SIN3A: variants seen among roughly 807,000 people sequenced by gnomAD.
SIN3A encodes the protein SIN3 transcription regulator family member A.
SIN3A carries 14 observed loss-of-function variants against 146.1 expected under a neutral mutation model. The observed-to-expected ratio is 0.10, with a 90% confidence interval of 0.06 to 0.15. The LOEUF (loss-of-function observed/expected upper bound fraction) is 0.15, where lower values mean the gene tolerates loss of function less well. Among genes scored for constraint, SIN3A ranks in the 10% least tolerant of loss-of-function variants. The probability of loss-of-function intolerance (pLI) is 1.00; values close to 1 mark genes in which losing one functional copy is unlikely to be tolerated. For missense variants in SIN3A, 1,028 were observed against 1,576.0 expected (o/e 0.65, Z 5.89); for synonymous variants, 572 against 572.0 (o/e 1.00, Z 0.00).
At chr15:75,423,247 T>C (rs1174527030) in intron 2 of SIN3A, among the ~76,000 whole-genome samples, 1 of 151,784 alleles carries the variant, frequency 6.6e-6, no homozygotes, top group Non-Finnish European at 1.5e-5. Flanking sequence ...CACTGCTCTC[T>C]AGCCCAGGTG....
chr15:75,386,247 C>G (rs1232167195), intron 16 of SIN3A, among the ~76,000 whole-genome samples: 2 of 152,210 alleles, frequency 1.3e-5, no homozygotes, highest in East Asian at 3.9e-4. Context: ...AGTCTGATCT[C>G]AAACTTCTGA....
At chr15:75,403,058 T>A (rs574344748) in intron 9 of SIN3A, among the ~76,000 whole-genome samples, 1 of 152,200 alleles carries the variant, frequency 6.6e-6, no homozygotes, top group Non-Finnish European at 1.5e-5. Context: ...AGTAACTGGC[T>A]AGAATTGGGA....
intron 3 of SIN3A, among the ~76,000 whole-genome samples, chr15:75,416,205 T>G (rs931960509): frequency 6.6e-6 from 1 of 152,230 alleles, no homozygotes; most frequent in Non-Finnish European, 1.5e-5. Context: ...GTTGTTTTGG[T>G]GGGAAGGATC....
At chr15:75,413,112 T>C in intron 4 of SIN3A, 67 bp from the exon 5 acceptor site, 1 of 1,490,550 alleles carries the variant, frequency 6.7e-7, no homozygotes, top group Non-Finnish European at 9.0e-7. Flanking sequence ...AGAAAAAATT[T>C]CATGTTTTTT....
chr15:75,443,524 T>TA (rs1408733874), intron 1 of SIN3A: 1 of 152,116 alleles, frequency 6.6e-6, no homozygotes, highest in Non-Finnish European at 1.5e-5. Flanking sequence ...GAGACTAGCC[T>TA]AGACAACATG....
chr15:75,401,258 T>C (rs181060700), intron 10 of SIN3A, among the ~76,000 whole-genome samples: 146 of 152,320 alleles, frequency 9.6e-4, no homozygotes, highest in African/African-American at 3.4e-3. Flanking sequence ...CTCGGTGTAG[T>C]GGCTCATGCC....
intron 1 of SIN3A, among the ~76,000 whole-genome samples, chr15:75,442,196 A>G (rs1035835187): frequency 6.1e-5 from 9 of 146,550 alleles, no homozygotes; most frequent in African/African-American, 1.3e-4. Flanking sequence ...CCTTCTAACC[A>G]TCTTTATACA....
intron 3 of SIN3A, chr15:75,419,397 G>C (rs545831204): frequency 6.6e-6 from 1 of 152,282 alleles, no homozygotes; most frequent in Admixed American, 6.5e-5. Flanking sequence ...ACATGGTATG[G>C]TATAAGGTAA....
intron 15 of SIN3A, 58 bp downstream of exon 15, chr15:75,392,184 T>C: frequency 1.4e-6 from 2 of 1,469,186 alleles, no homozygotes; most frequent in Non-Finnish European, 1.9e-6. Context: ...CAAGTCTAGG[T>C]GGCTCTAAGG....
At chr15:75,377,674 T>C (rs1237784522) in intron 19 of SIN3A, among the ~76,000 whole-genome samples, 1 of 152,062 alleles carries the variant, frequency 6.6e-6, no homozygotes, top group African/African-American at 2.4e-5. Context: ...TAACATTTTC[T>C]ATTAAATCCC....
At chr15:75,394,462 A>G (rs1044394307) in intron 14 of SIN3A, among the ~76,000 whole-genome samples, 52 of 152,214 alleles carry the variant, frequency 3.4e-4, no homozygotes, top group African/African-American at 1.2e-3. Context: ...AAACCAGGAC[A>G]GTAAACTAGG....
At chr15:75,450,181 A>T (rs2074376759) in intron 1 of SIN3A, among the ~76,000 whole-genome samples, 1 of 140,340 alleles carries the variant, frequency 7.1e-6, no homozygotes, top group Non-Finnish European at 1.6e-5. Flanking sequence ...CTGAGTTCTT[A>T]AAAAAAAAAA....
In SIN3A at chr15:75,369,662, T is replaced by G. The variant is rs776724078; in HGVS notation, c.*2317A>C. The stretch of plus-strand genomic sequence containing the variant: ...CTCCTGAACTGGCCTTGAAATCCTA[T>G]CCTGACCTGCAGGCAAGTGCTCTGG... On this transcript the variant is annotated 3_prime_UTR_variant, in exon 21 of 21. Transcript: ENST00000394947. 5.9e-5 allele frequency: 9 copies of G among 152,200 alleles called. No individual in the cohort carries two copies. Among genetic ancestry groups the G allele is most frequent in the Non-Finnish European group, 1.2e-4 (8 of 68,042 alleles). 9.4% of individuals were successfully genotyped at this position (152,200 alleles called of 1,614,324 possible).
Position 75,414,207 on chromosome 15 carries a change from C to G in SIN3A, c.471G>C (p.Gln157His). ...GAGTACAATCACACATCTTTTACCT[C>G]TGAGATTTAAATTCCTTCATGATGT... ...FLDIMKEFKS[Q>H]SIDTPGVISR... Residue 157 changes from glutamine (Q) to histidine (H), a missense_variant and splice_region_variant, in exon 4 of 21, where the codon CAG becomes CAC. Gln to His is a conservative substitution (Grantham distance 24). Coordinates refer to ENST00000394947, the MANE Select transcript of SIN3A (RefSeq NM_001145358.2). 6.7e-7 allele frequency: 1 copy of G among 1,489,812 alleles called. No homozygotes were observed. Among genetic ancestry groups the G allele is most frequent in the African/African-American group, 1.4e-5 (1 of 73,056 alleles). 92.3% of individuals were successfully genotyped at this position (1,489,812 alleles called of 1,614,324 possible).
chr15:75,449,607 G>T (rs573647671), intron 1 of SIN3A, among the ~76,000 whole-genome samples: 1 of 152,158 alleles, frequency 6.6e-6, no homozygotes, highest in Non-Finnish European at 1.5e-5. Context: ...CATACAGAAG[G>T]CTACCCTGAT....
chr15:75,425,634 A>G (rs779893100), intron 2 of SIN3A, among the ~76,000 whole-genome samples: 6 of 152,228 alleles, frequency 3.9e-5, no homozygotes, highest in Admixed American at 3.3e-4. Context: ...AATAAAAGCC[A>G]AAACTACTTT....
At chr15:75,379,040 C>T (rs1192555980) in intron 19 of SIN3A, among the ~76,000 whole-genome samples, 1 of 151,992 alleles carries the variant, frequency 6.6e-6, no homozygotes, top group African/African-American at 2.4e-5. Flanking sequence ...GCTTGGACTA[C>T]AGGCGCCTGC....
At chr15:75,450,889 G>A (rs2074392410) in intron 1 of SIN3A, among the ~76,000 whole-genome samples, 1 of 152,192 alleles carries the variant, frequency 6.6e-6, no homozygotes, top group African/African-American at 2.4e-5. Context: ...GTGCAGGGGG[G>A]GACGGCCAAG....
intron 3 of SIN3A, chr15:75,421,427 A>T (rs1238306020): frequency 6.6e-6 from 1 of 152,238 alleles, no homozygotes; most frequent in Non-Finnish European, 1.5e-5. Flanking sequence ...GTAAGCCAAT[A>T]TAGAGAGTAA....
Sources: allele counts gnomAD v4.1 joint callset (sites outside exome capture counted in the v4.1 genomes callset), GRCh38; gene constraint gnomAD v4.1.1; transcripts MANE v1.5; gene names NCBI Gene and HGNC (gene_info 2026-07-23, HGNC 2026-07-21).